Variants in UGT1A3 observed in about 807,000 individuals in gnomAD.
UGT1A3 encodes UDP-glucuronosyltransferase 1A3.
UGT1A3 carries 31 observed loss-of-function variants against 41.0 expected under a neutral mutation model. The ratio of observed to expected loss-of-function variants is 0.76; its 90% confidence interval spans 0.57 to 1.02. The LOEUF (loss-of-function observed/expected upper bound fraction) is 1.02, where lower values mean the gene tolerates loss of function less well. Among genes scored for constraint, UGT1A3 ranks in the 50% least tolerant of loss-of-function variants. The probability of loss-of-function intolerance (pLI) is 0.00; values close to 1 mark genes in which losing one functional copy is unlikely to be tolerated. For missense variants in UGT1A3, 737 were observed against 671.0 expected (o/e 1.10, Z -1.09); for synonymous variants, 262 against 257.6 (o/e 1.02, Z -0.17).
intron 1 of UGT1A3, chr2:233,756,408 G>C (rs1234137074): frequency 1.3e-5 from 2 of 151,750 alleles, no homozygotes; most frequent in Non-Finnish European, 2.9e-5. Flanking sequence ...TTTTTTATTT[G>C]TATTATTTGT....
chr2:233,743,662 G>T (rs34622615), intron 1 of UGT1A3: 40,924 of 1,367,182 alleles, frequency 0.03, 778 homozygotes, highest in African/African-American at 0.053. Flanking sequence ...ACTCGAAGGG[G>T]TCCTCGAAGG....
At chr2:233,763,669 C>T (rs902437322) in intron 1 of UGT1A3, among the ~76,000 whole-genome samples, 1 of 152,168 alleles carries the variant, frequency 6.6e-6, no homozygotes, top group Non-Finnish European at 1.5e-5. Context: ...AACTCCTGAA[C>T]TTTAAGAATA....
chr2:233,744,366 G>A (rs1692789065), intron 1 of UGT1A3, among the ~76,000 whole-genome samples: 1 of 151,836 alleles, frequency 6.6e-6, no homozygotes, highest in South Asian at 2.1e-4. Context: ...TGTTGTTTAG[G>A]ACTGCAGTTC....
At chr2:233,730,348 T>A (rs2078018262) in intron 1 of UGT1A3, among the ~76,000 whole-genome samples, 1 of 152,216 alleles carries the variant, frequency 6.6e-6, no homozygotes, top group Non-Finnish European at 1.5e-5. Flanking sequence ...TGATCCATCC[T>A]GGATTTTTTG....
In UGT1A3 at chr2:233,768,134, C is replaced by T. The variant is rs558476019; in HGVS notation, c.1088-86C>T. The T allele has an allele frequency of 1.1e-4, 173 of 1,608,048 alleles. No homozygotes were observed. The African/African-American group carries it at 2.2e-3, about 21-fold the overall frequency. Reference sequence around the variant, plus strand: ...CAAGGGCATGTGAGTAACACTGAGTCTTTGGAGTGTTTTCAGAACCTAGAT... The same window carrying T: ...CAAGGGCATGTGAGTAACACTGAGTTTTTGGAGTGTTTTCAGAACCTAGAT... On this transcript the variant is annotated intron_variant, in intron 3 of 4. Transcript: ENST00000482026.
At chr2:233,739,437 C>G (rs1691099692) in intron 1 of UGT1A3, among the ~76,000 whole-genome samples, 1 of 152,212 alleles carries the variant, frequency 6.6e-6, no homozygotes, top group Non-Finnish European at 1.5e-5. Flanking sequence ...GGGCTTTACC[C>G]TGCAAAGCCA....
Position 233,767,921 on chromosome 2 carries a change from C to T in UGT1A3, c.1072C>T (p.Gln358Ter), listed in dbSNP as rs72551350. 5.6e-6 allele frequency: 9 copies of T among 1,614,068 alleles called. No homozygotes were observed. Among genetic ancestry groups the T allele is most frequent in the Non-Finnish European group, 7.6e-6 (9 of 1,180,058 alleles). ...NNTILVKWLP[Q>*]NDLLGHPMTR... ...CACGATACTTGTTAAGTGGCTACCC[C>T]AAAACGATCTGCTTGGTATGTTGGG... The change falls in exon 3 of 5, where the codon CAA becomes TAA. Residue 358 changes from glutamine (Q) to a stop codon, truncating the protein, a stop_gained. Coordinates refer to ENST00000482026, the MANE Select transcript of UGT1A3 (RefSeq NM_019093.4). LOFTEE classifies it high-confidence loss of function.
intron 1 of UGT1A3, among the ~76,000 whole-genome samples, chr2:233,751,321 C>T (rs551289281): frequency 6.6e-6 from 1 of 152,014 alleles, no homozygotes; most frequent in East Asian, 1.9e-4. Flanking sequence ...TTTCTGTACC[C>T]CCATTGTGTC....
intron 1 of UGT1A3, chr2:233,752,671 G>C (rs764603463): frequency 6.6e-6 from 1 of 152,170 alleles, no homozygotes; most frequent in Non-Finnish European, 1.5e-5. Flanking sequence ...AGGATCACTT[G>C]AGCCCAGAAA....
chr2:233,761,293 G>A, intron 1 of UGT1A3: 1 of 1,522,614 alleles, frequency 6.6e-7, no homozygotes, highest in African/African-American at 1.4e-5. Context: ...TTGACTCCTA[G>A]GTTTGAGTCT....
chr2:233,737,106 C>A (rs1413707543), intron 1 of UGT1A3, among the ~76,000 whole-genome samples: 1 of 152,198 alleles, frequency 6.6e-6, no homozygotes, highest in African/African-American at 2.4e-5. Flanking sequence ...TCTGCTGTTC[C>A]CCACATGTTC....
intron 4 of UGT1A3, chr2:233,770,959 T>C (rs1275512956): frequency 1.3e-5 from 2 of 152,178 alleles, no homozygotes; most frequent in East Asian, 3.9e-4. Context: ...AGGGAGCTTT[T>C]ACTCATGGCA....
At position 233,769,785 on chromosome 2, in the gene UGT1A3, T is replaced by G; in HGVS notation, c.1307+1346T>G. The G allele has an allele frequency of 7.5e-7, 1 of 1,329,352 alleles. No individual in the cohort carries two copies. Among genetic ancestry groups the G allele is most frequent in the Non-Finnish European group, 9.9e-7 (1 of 1,011,114 alleles). 82.3% of individuals were successfully genotyped at this position (1,329,352 alleles called of 1,614,324 possible). A position where few individuals can be genotyped will look rare whatever the true frequency, so the allele number is the denominator to read the frequency against. Reference sequence around the variant, plus strand: ...CGGGAGGATTGCTTGAGCCCAGAAGTTGGAGGCTGCTATGAGCCGTGATCA... The same window carrying G: ...CGGGAGGATTGCTTGAGCCCAGAAGGTGGAGGCTGCTATGAGCCGTGATCA... On this transcript the variant is annotated intron_variant, in intron 4 of 4. Coordinates refer to ENST00000482026, the MANE Select transcript of UGT1A3 (RefSeq NM_019093.4). The surrounding 1 kb of genome is among the most constrained non-coding windows in gnomAD (Gnocchi z 4.4).
chr2:233,738,734 C>G (rs1273987564), intron 1 of UGT1A3, among the ~76,000 whole-genome samples: 1 of 152,148 alleles, frequency 6.6e-6, no homozygotes, highest in Non-Finnish European at 1.5e-5. Context: ...AAATTTGCAG[C>G]CTGACCATGT....
chr2:233,767,807 T>C, intron 2 of UGT1A3, 42 bp from the exon 3 acceptor site: 1 of 1,614,158 alleles, frequency 6.2e-7, no homozygotes, highest in Non-Finnish European at 8.5e-7. Flanking sequence ...TCTAATCATA[T>C]TATGTTCTTT....
chr2:233,747,735 A>C, intron 1 of UGT1A3: 1 of 1,613,360 alleles, frequency 6.2e-7, no homozygotes, highest in Non-Finnish European at 8.5e-7. Flanking sequence ...TTTTTTGAGG[A>C]ACATTCCATG....
At chr2:233,747,937 A>G in intron 1 of UGT1A3, 1 of 1,613,182 alleles carries the variant, frequency 6.2e-7, no homozygotes, top group Non-Finnish European at 8.5e-7. Context: ...TTTCAGAGGG[A>G]GGTGTCAGTG....
intron 1 of UGT1A3, among the ~76,000 whole-genome samples, chr2:233,747,015 G>C (rs911515983): frequency 6.6e-6 from 1 of 151,822 alleles, no homozygotes; most frequent in African/African-American, 2.4e-5. Flanking sequence ...AGGAGTGATC[G>C]GTCTTTCCCG....
At position 233,729,207 on chromosome 2, in the gene UGT1A3, G is replaced by A. The variant is rs6706232; in HGVS notation, c.81G>A (p.Glu27=). Residue 27 remains glutamate, a synonymous_variant, in exon 1 of 5, where the codon GAG becomes GAA. Coordinates refer to ENST00000482026, the MANE Select transcript of UGT1A3 (RefSeq NM_019093.4). The part of the protein sequence containing the change: ...LLLLSVQPWA[E]SGKVLVVPID... ...TCCTCAGTGTCCAGCCCTGGGCTGAGAGTGGAAAGGTGTTGGTGGTGCCCA... is the reference window on the plus strand; with the variant it reads ...TCCTCAGTGTCCAGCCCTGGGCTGAAAGTGGAAAGGTGTTGGTGGTGCCCA... 0.46 allele frequency: 749,602 copies of A among 1,613,822 alleles called. 180,459 individuals carry two copies. The highest frequency in any genetic ancestry group is 0.76 in the African/African-American group (57,146 of 74,994).
Sources: gnomAD v4.1 joint callset for allele counts (sites outside exome capture counted in the v4.1 genomes callset) on GRCh38, gnomAD v4.1.1 for gene constraint, Gnocchi (gnomAD v3.1) non-coding constraint, MANE v1.5 for transcripts, NCBI Gene and HGNC (gene_info 2026-07-23, HGNC 2026-07-21) for gene names.